The following GPC5 variants were observed in gnomAD, a reference collection of about 807,000 sequenced individuals.
GPC5 encodes the protein glypican 5, also known as glypican-5.
GPC5 carries 47 observed loss-of-function variants against 53.9 expected under a neutral mutation model. The ratio of observed to expected loss-of-function variants is 0.87; its 90% CI spans 0.69 to 1.11. The LOEUF is 1.11. Ranked by LOEUF, GPC5 falls within the 50% of genes most tolerant of loss-of-function variation. The pLI, the probability that GPC5 is intolerant of heterozygous loss-of-function variation, is 0.00. For synonymous variants in GPC5, 286 were observed against 263.3 expected, an observed-to-expected ratio of 1.09 and a Z score of -0.84; for missense variants, 748 against 713.1, an observed-to-expected ratio of 1.05 and a Z score of -0.56.
intron 7 of GPC5, 50 bp from the exon 8 acceptor site, chr13:92,866,232 T>C (rs1879329410): frequency 6.5e-7 from 1 of 1,528,958 alleles, no homozygotes; most frequent in African/African-American, 1.4e-5. Flanking sequence ...CTAGACGTAT[T>C]ATGGTGAAGT....
chr13:92,157,667 G>A (rs112345086), intron 7 of GPC5, among the ~76,000 whole-genome samples: 1,831 of 152,226 alleles, frequency 0.012, 54 homozygotes, highest in African/African-American at 0.041. Flanking sequence ...TTAAAATTTA[G>A]TCAACATAAA....
intron 7 of GPC5, among the ~76,000 whole-genome samples, chr13:92,574,535 G>C (rs1361004801): frequency 6.6e-6 from 1 of 152,080 alleles, no homozygotes; most frequent in Non-Finnish European, 1.5e-5. Context: ...CTCTCTCATA[G>C]TATTGGGTTT....
At chr13:91,883,115 G>C (rs140406107) in intron 5 of GPC5, among the ~76,000 whole-genome samples, 1,935 of 152,294 alleles carry the variant, frequency 0.013, 40 homozygotes, top group Admixed American at 0.019. Flanking sequence ...AAACAAGCCA[G>C]TCTGGAAGGT....
At position 92,724,381 on chromosome 13, in the gene GPC5, CT is replaced by C. The variant is rs553779114; in HGVS notation, c.1562-141898del. Among the ~76,000 whole-genome samples the C allele has an allele frequency of 5.1e-4, 77 of 151,732 alleles. 1 individual carries two copies. In the East Asian group the frequency reaches 0.011, roughly 23 times the overall value. On this transcript the variant is annotated intron_variant, in intron 7 of 7. Transcript: ENST00000377067. ...TTCTTTATCATGTTAGAACATTATACTTTCCATACATGTTAGAATGCATATT... is the reference window on the plus strand; with the variant it reads ...TTCTTTATCATGTTAGAACATTATACTTCCATACATGTTAGAATGCATATT...
At chr13:92,064,854 A>G (rs1157832238) in intron 6 of GPC5, among the ~76,000 whole-genome samples, 2 of 152,092 alleles carry the variant, frequency 1.3e-5, no homozygotes, top group African/African-American at 4.8e-5. Context: ...CATATCAGGT[A>G]GAGAAGATAC....
At chr13:92,827,518 C>G (rs554883925) in intron 7 of GPC5, among the ~76,000 whole-genome samples, 1 of 152,072 alleles carries the variant, frequency 6.6e-6, no homozygotes, top group Non-Finnish European at 1.5e-5. Flanking sequence ...GTCTTCTTCA[C>G]GTTTTCCAGT....
chr13:91,743,926 C>T (rs1320030278), intron 4 of GPC5, among the ~76,000 whole-genome samples: 1 of 152,148 alleles, frequency 6.6e-6, no homozygotes, highest in Non-Finnish European at 1.5e-5. Context: ...AAGCTTCCTT[C>T]TCAGAAATGT....
intron 2 of GPC5, among the ~76,000 whole-genome samples, chr13:91,593,626 C>G (rs2032885994): frequency 6.6e-6 from 1 of 152,040 alleles, no homozygotes; most frequent in African/African-American, 2.4e-5. Flanking sequence ...TAACCTTTAC[C>G]ACACTGACTT....
chr13:92,259,201 C>T (rs1256369233), intron 7 of GPC5, among the ~76,000 whole-genome samples: 1 of 152,162 alleles, frequency 6.6e-6, no homozygotes, highest in Non-Finnish European at 1.5e-5. Context: ...ACACTTGTCA[C>T]TTCAAGTTCC....
At chr13:92,217,911 C>CTTTTTTTT (rs61595116) in intron 7 of GPC5, among the ~76,000 whole-genome samples, 1 of 85,214 alleles carries the variant, frequency 1.2e-5, no homozygotes. Context: ...ATTATTTCTA[C>CTTTTTTTT]TTTTTTTTTT....
chr13:91,728,748 T>A, intron 4 of GPC5, 83 bp downstream of exon 4: 4 of 1,312,514 alleles, frequency 3.0e-6, no homozygotes, highest in Non-Finnish European at 4.0e-6. Flanking sequence ...TTCAATTAAA[T>A]CGAATAAAAT....
At chr13:92,211,435 G>T (rs1043398619) in intron 7 of GPC5, among the ~76,000 whole-genome samples, 1 of 152,292 alleles carries the variant, frequency 6.6e-6, no homozygotes. Flanking sequence ...AGTTCTAAGG[G>T]TGGTTCCTGA....
chr13:92,145,340 T>C (rs1388250486), intron 7 of GPC5, among the ~76,000 whole-genome samples: 1 of 152,192 alleles, frequency 6.6e-6, no homozygotes, highest in Non-Finnish European at 1.5e-5. Flanking sequence ...AATAATCAAA[T>C]TGTGCAATTA....
At chr13:91,748,606 G>A (rs537169500) in intron 4 of GPC5, among the ~76,000 whole-genome samples, 2 of 152,310 alleles carry the variant, frequency 1.3e-5, no homozygotes, top group African/African-American at 2.4e-5. Flanking sequence ...CTTGGCTTTT[G>A]TCTTTAGGAA....
chr13:92,019,827 TATAG>T (rs2040740979), intron 6 of GPC5, among the ~76,000 whole-genome samples: 1 of 152,138 alleles, frequency 6.6e-6, no homozygotes, highest in Admixed American at 6.5e-5. Flanking sequence ...TTATTTCATG[TATAG>T]TGGCTAATTT....
chr13:92,204,166 A>G (rs1352266139), intron 7 of GPC5, among the ~76,000 whole-genome samples: 1 of 152,196 alleles, frequency 6.6e-6, no homozygotes, highest in Non-Finnish European at 1.5e-5. Context: ...TTGTTCAGGC[A>G]GAGGAAAATG....
chr13:91,714,651 T>C (rs561292942), intron 3 of GPC5, among the ~76,000 whole-genome samples: 16 of 152,292 alleles, frequency 1.1e-4, no homozygotes, highest in East Asian at 5.8e-4. Flanking sequence ...AATGATTTGC[T>C]GTACCTGATT....
chr13:91,571,431 G>T (rs928313298), intron 2 of GPC5, among the ~76,000 whole-genome samples: 1 of 151,940 alleles, frequency 6.6e-6, no homozygotes, highest in Non-Finnish European at 1.5e-5. Context: ...TTTTTGTCTT[G>T]CCAAGTAAGG....
chr13:91,928,308 C>G (rs1460292309), intron 6 of GPC5, among the ~76,000 whole-genome samples: 3 of 152,202 alleles, frequency 2.0e-5, no homozygotes, highest in African/African-American at 7.2e-5. Context: ...TCTACCTGCT[C>G]TCACATAGAT....
Sources: allele counts gnomAD v4.1 joint callset (sites outside exome capture counted in the v4.1 genomes callset), GRCh38; gene constraint gnomAD v4.1.1; transcripts MANE v1.5; gene names NCBI Gene and HGNC (gene_info 2026-07-23, HGNC 2026-07-21).